The following SPATA7 variants were observed in gnomAD, a reference collection of about 807,000 sequenced individuals.
The protein encoded by SPATA7 is spermatogenesis-associated protein 7.
A neutral mutation model predicts 51.8 loss-of-function variants in SPATA7; 43 were observed. The ratio of observed to expected loss-of-function variants is 0.83; its 90% confidence interval spans 0.65 to 1.07. The LOEUF (loss-of-function observed/expected upper bound fraction) is 1.07, where lower values mean the gene tolerates loss of function less well. Ranked by LOEUF, SPATA7 falls within the 50% of genes least tolerant of loss-of-function variation. SPATA7 has a pLI of 0.00. For synonymous variants in SPATA7, 230 were observed against 252.8 expected (o/e 0.91, Z 0.86); for missense variants, 683 against 701.3 (o/e 0.97, Z 0.30).
chr14:88,426,783 G>C, intron 6 of SPATA7, 79 bp downstream of exon 6: 1 of 1,310,432 alleles, frequency 7.6e-7, no homozygotes, highest in Non-Finnish European at 1.1e-6. Flanking sequence ...CTTGTTTTCT[G>C]CTGCCAGCCT....
intron 4 of SPATA7, among the ~76,000 whole-genome samples, chr14:88,414,443 CTCTTT>C (rs1050884055): frequency 6.6e-6 from 1 of 152,012 alleles, no homozygotes; most frequent in African/African-American, 2.4e-5. Context: ...TTTGGATCTT[CTCTTT>C]TATCTTTGTT....
downstream of SPATA7, among the ~76,000 whole-genome samples, chr14:88,442,411 T>C (rs1213115577): frequency 2.6e-5 from 4 of 152,118 alleles, no homozygotes; most frequent in Non-Finnish European, 5.9e-5. Context: ...GGTTTCACCA[T>C]GTGGGCCATG....
At chr14:88,455,671 T>G (rs1008664805), downstream of SPATA7, among the ~76,000 whole-genome samples, 3 of 139,112 alleles carry the variant, frequency 2.2e-5, no homozygotes, top group Admixed American at 2.0e-4. Context: ...TAAAATTGCT[T>G]TTTTTTTTAG....
intron 4 of SPATA7, among the ~76,000 whole-genome samples, chr14:88,404,002 C>A (rs1459668773): frequency 1.3e-5 from 2 of 151,846 alleles, no homozygotes; most frequent in Non-Finnish European, 2.9e-5. Context: ...AAATTAAATG[C>A]CTGAAACATA....
chr14:88,416,451 T>C (rs73323512), intron 4 of SPATA7: 4,948 of 207,868 alleles, frequency 0.024, 284 homozygotes, highest in African/African-American at 0.12. Flanking sequence ...CAAATCTCAC[T>C]ATATTGTTTG....
intron 1 of SPATA7, among the ~76,000 whole-genome samples, chr14:88,387,282 T>A (rs1415007985): frequency 6.6e-6 from 1 of 152,334 alleles, no homozygotes; most frequent in East Asian, 1.9e-4. Context: ...TTGAATTATT[T>A]TAAAAATTGG....
intron 4 of SPATA7, among the ~76,000 whole-genome samples, chr14:88,409,682 A>C (rs1053192924): frequency 6.6e-6 from 1 of 152,088 alleles, no homozygotes; most frequent in Non-Finnish European, 1.5e-5. Flanking sequence ...TTGTGATGTT[A>C]GGGTGTCGAT....
chr14:88,444,912 G>T (rs2077201393), intron 3 of SPATA7, among the ~76,000 whole-genome samples: 1 of 152,190 alleles, frequency 6.6e-6, no homozygotes, highest in Admixed American at 6.5e-5. Context: ...ATGAAGTCAG[G>T]TAGTGTGATG....
intron 3 of SPATA7, among the ~76,000 whole-genome samples, chr14:88,446,168 T>C (rs2077210651): frequency 6.6e-6 from 1 of 152,190 alleles, no homozygotes; most frequent in African/African-American, 2.4e-5. Flanking sequence ...CAGATCCTGT[T>C]ATTGGTCTAT....
downstream of SPATA7, among the ~76,000 whole-genome samples, chr14:88,455,674 T>A (rs1019598252): frequency 2.0e-5 from 3 of 152,220 alleles, no homozygotes; most frequent in Admixed American, 6.5e-5. Flanking sequence ...AATTGCTTTT[T>A]TTTTTAGTAT....
At chr14:88,437,726 G>T in intron 11 of SPATA7, 112 bp from the exon 12 acceptor site, 1 of 1,336,134 alleles carries the variant, frequency 7.5e-7, no homozygotes, top group Non-Finnish European at 1.0e-6. Context: ...TTTGAGGGTG[G>T]TGGTGGGAGA....
chr14:88,438,235 T>C lies in SPATA7; in HGVS notation c.1613T>C (p.Val538Ala). 6.2e-7 allele frequency: 1 copy of C among 1,614,110 alleles called. No homozygotes were observed. Among genetic ancestry groups the C allele is most frequent in the Non-Finnish European group, 8.5e-7 (1 of 1,179,990 alleles). Reference protein sequence around the residue: ...SDSLTDRETSVNVIEGDSDPE... With the variant: ...SDSLTDRETSANVIEGDSDPE... ...AGTTTAACAGATCGGGAAACTTCTG[T>C]GAATGTCATTGAAGGTGATAGTGAC... The change falls in exon 12 of 12, where the codon GTG becomes GCG. Residue 538 changes from valine to alanine, a missense_variant. Coordinates refer to ENST00000393545, the MANE Select transcript of SPATA7 (RefSeq NM_018418.5).
intron 3 of SPATA7, among the ~76,000 whole-genome samples, chr14:88,447,237 A>G (rs969260347): frequency 2.7e-5 from 4 of 150,474 alleles, no homozygotes; most frequent in African/African-American, 7.4e-5. Flanking sequence ...ACCATTATGT[A>G]ATGGCCTTCT....
intron 5 of SPATA7, among the ~76,000 whole-genome samples, chr14:88,418,838 G>A (rs1169835480): frequency 6.6e-6 from 1 of 152,112 alleles, no homozygotes; most frequent in African/African-American, 2.4e-5. Context: ...CTTAATCTCT[G>A]TATCTGCTTT....
intron 3 of SPATA7, among the ~76,000 whole-genome samples, chr14:88,453,203 G>A (rs151327813): frequency 9.8e-5 from 15 of 152,294 alleles, no homozygotes; most frequent in East Asian, 7.7e-4. Context: ...GTTCACGGAG[G>A]AAGATAGTTT....
chr14:88,427,522 T>C, intron 6 of SPATA7, 108 bp from the exon 7 acceptor site: 1 of 709,028 alleles, frequency 1.4e-6, no homozygotes, highest in Non-Finnish European at 2.5e-6. Context: ...TTTATAAGAA[T>C]AGATGGGTCT....
intron 4 of SPATA7, chr14:88,415,253 T>C (rs541366213): frequency 1.9e-5 from 7 of 367,348 alleles, no homozygotes; most frequent in African/African-American, 1.5e-4. Flanking sequence ...TGGGTGCAAA[T>C]ATACCTAGGA....
At chr14:88,429,758 C>T (rs1168388044) in intron 8 of SPATA7, among the ~76,000 whole-genome samples, 4 of 152,134 alleles carry the variant, frequency 2.6e-5, no homozygotes, top group African/African-American at 9.7e-5. Context: ...GACAAGTCCT[C>T]TGGCAGTGAT....
At chr14:88,439,093 A>C (rs780263034), downstream of SPATA7, among the ~76,000 whole-genome samples, 8 of 152,320 alleles carry the variant, frequency 5.3e-5, no homozygotes, top group African/African-American at 1.7e-4. Flanking sequence ...TATTTTACCT[A>C]TATTTTCAGA....
Sources: gnomAD v4.1 joint callset for allele counts (sites outside exome capture counted in the v4.1 genomes callset) on GRCh38, gnomAD v4.1.1 for gene constraint, MANE v1.5 for transcripts, NCBI Gene and HGNC (gene_info 2026-07-23, HGNC 2026-07-21) for gene names.